Variants in NUP85 observed in about 807,000 individuals in gnomAD.
NUP85 encodes nuclear pore complex protein Nup85.
NUP85 carries 23 observed loss-of-function variants against 92.8 expected under a neutral mutation model. That is an observed-to-expected ratio of 0.25 (90% CI 0.18 to 0.35). NUP85 has a LOEUF of 0.35. Ranked by LOEUF, NUP85 falls within the 10% of genes least tolerant of loss-of-function variation. The pLI is 1.00. For missense variants in NUP85, 759 were observed against 822.8 expected (o/e 0.92, Z 0.95); for synonymous variants, 314 against 306.9 (o/e 1.02, Z -0.24).
intron 4 of NUP85, 131 bp from the exon 5 acceptor site, chr17:75,212,943 AAG>A (rs2075318841): frequency 1.1e-6 from 1 of 879,242 alleles, no homozygotes; most frequent in East Asian, 2.7e-5. Context: ...CCATAATTAA[AAG>A]AGATTATAAT....
intron 3 of NUP85, among the ~76,000 whole-genome samples, chr17:75,211,176 C>T (rs540538489): frequency 7.3e-5 from 11 of 150,876 alleles, no homozygotes; most frequent in Middle Eastern, 6.8e-3. Flanking sequence ...CTAATTTTTG[C>T]ATTTTTAGTA....
chr17:75,231,873 G>A lies in NUP85; in HGVS notation c.1290G>A (p.Leu430=), dbSNP rs559889699. 1 of 1,614,092 alleles carries A rather than the reference G, an allele frequency of 6.2e-7. No individual in the cohort carries two copies. Among genetic ancestry groups the A allele is most frequent in the African/African-American group, 1.3e-5 (1 of 74,932 alleles). The change falls in exon 14 of 19, where the codon CTG becomes CTA. Residue 430 remains leucine (L), a synonymous_variant. Transcript: ENST00000245544. The surrounding 1 kb of genome is among the most constrained non-coding windows in gnomAD (Gnocchi z 4.6). The part of the protein sequence containing the change: ...GVDYFDYCPE[L]GRVSLELHIE... ...ATTACTTTGATTACTGCCCCGAGCT[G>A]GGCCGAGTCTCCCTGGAGCTGCACA...
intron 1 of NUP85, among the ~76,000 whole-genome samples, chr17:75,206,763 T>C (rs925687002): frequency 1.3e-5 from 2 of 152,094 alleles, no homozygotes; most frequent in African/African-American, 4.8e-5. Flanking sequence ...AGTGGCGCGG[T>C]CTCGGCTCAC....
chr17:75,223,793 A>G (rs1043807942), intron 7 of NUP85, among the ~76,000 whole-genome samples: 2 of 152,146 alleles, frequency 1.3e-5, no homozygotes, highest in Admixed American at 6.6e-5. Flanking sequence ...TTTTTTTCCA[A>G]ACAAAACTTC....
At chr17:75,222,816 A>G (rs1283836253) in intron 7 of NUP85, among the ~76,000 whole-genome samples, 2 of 151,986 alleles carry the variant, frequency 1.3e-5, no homozygotes, top group South Asian at 2.1e-4. Flanking sequence ...CGGGCGGATC[A>G]TGAAGTCAGG....
chr17:75,228,821 G>C (rs1206834979), intron 11 of NUP85: 1 of 985,316 alleles, frequency 1.0e-6, no homozygotes, highest in Non-Finnish European at 1.2e-6. Context: ...CAGACCCTAA[G>C]GGGCAGAAAA....
intron 10 of NUP85, 51 bp from the exon 11 acceptor site, chr17:75,226,000 C>T (rs754150593): frequency 1.9e-6 from 3 of 1,607,666 alleles, no homozygotes; most frequent in African/African-American, 2.7e-5. Context: ...CTGCCTGCCC[C>T]GAGTCTCTGC....
chr17:75,212,428 C>G (rs529140872), intron 4 of NUP85, among the ~76,000 whole-genome samples: 1 of 150,132 alleles, frequency 6.7e-6, no homozygotes, highest in South Asian at 2.1e-4. Flanking sequence ...ACCACCAAGC[C>G]CAGAGTTCTG....
chr17:75,218,911 G>C (rs8071174), intron 7 of NUP85, among the ~76,000 whole-genome samples: 138,786 of 152,206 alleles, frequency 0.91, 64,337 homozygotes, highest in Non-Finnish European at 1. Context: ...CCATGCCTGG[G>C]TAATGATATA....
intron 17 of NUP85, 154 bp from the exon 18 acceptor site, chr17:75,234,946 A>T (rs2076272728): frequency 4.7e-6 from 5 of 1,070,934 alleles, no homozygotes; most frequent in Non-Finnish European, 5.8e-6. Flanking sequence ...CTCACACAGG[A>T]AACAAACACT....
intron 1 of NUP85, chr17:75,208,104 A>G (rs2075141338): frequency 6.4e-6 from 1 of 156,860 alleles, no homozygotes; most frequent in South Asian, 1.9e-4. Context: ...TGAAGGATAC[A>G]GTGTTATTAG....
At position 75,210,719 on chromosome 17, in the gene NUP85, C is replaced by T. The variant is rs541577313; in HGVS notation, c.290+734C>T. Among the ~76,000 whole-genome samples, 21 of 151,936 alleles carry T rather than the reference C, an allele frequency of 1.4e-4. 2 individuals are homozygous for T. In the South Asian group the frequency reaches 3.7e-3, roughly 27 times the overall value. ...TATTGGTTGTTTTTCTGTTTTTTTT[C>T]GAGGCAGAGTTTCGCTCTGTCACCC... On this transcript the variant is annotated intron_variant, in intron 3 of 18. Coordinates refer to ENST00000245544, the MANE Select transcript of NUP85 (RefSeq NM_024844.5).
At chr17:75,215,920 C>A in intron 6 of NUP85, 97 bp downstream of exon 6, 1 of 1,068,314 alleles carries the variant, frequency 9.4e-7, no homozygotes, top group Admixed American at 1.9e-5. Context: ...GTGTTTTATT[C>A]CTGAGAATGT....
At position 75,232,982 on chromosome 17, in the gene NUP85, G is replaced by T. The variant is rs1264298362; in HGVS notation, c.1514+14G>T. The T allele has an allele frequency of 6.2e-7, 1 of 1,613,678 alleles. No homozygotes were observed. ...CGTGTCAGACAGGTGGGTGCCGCTA[G>T]TGTTGGCTTCCCAGGGACTGGGTGG... On this transcript the variant is annotated intron_variant, in intron 15 of 18. Transcript: ENST00000245544.
Position 75,225,803 on chromosome 17 carries a change from C to T in NUP85, c.961C>T (p.Pro321Ser), listed in dbSNP as rs778171610. The T allele has an allele frequency of 6.2e-7, 1 of 1,614,106 alleles. No individual in the cohort carries two copies. Among genetic ancestry groups the T allele is most frequent in the South Asian group, 1.1e-5 (1 of 91,076 alleles). The change falls in exon 10 of 19, where the codon CCC (proline) becomes TCC (serine). Residue 321 changes from proline to serine, a missense_variant. Pro to Ser is a moderately conservative substitution (Grantham distance 74). Transcript: ENST00000245544. ...CTTGTACTCCAATCCCACAGTAAAACCCATTGATCTGCACTACTATGCCCA... is the reference window on the plus strand; with the variant it reads ...CTTGTACTCCAATCCCACAGTAAAATCCATTGATCTGCACTACTATGCCCA... The part of the protein sequence containing the change: ...RLLYSNPTVK[P>S]IDLHYYAQSS...
In NUP85 at chr17:75,228,610, C is replaced by T. The variant is rs2075916241; in HGVS notation, c.1094+2453C>T. 3 of 985,418 alleles carry T rather than the reference C, an allele frequency of 3.0e-6. No homozygotes were observed. The South Asian group carries it at 1.4e-4, about 46-fold the overall frequency. 61.0% of individuals were successfully genotyped at this position (985,418 alleles called of 1,614,324 possible). On this transcript the variant is annotated intron_variant, in intron 11 of 18. Transcript: ENST00000245544. ...TTTCTCATGGGATGTATCAGTCAGA[C>T]CCATGCACAGTTCTGGGCGGCAGGG...
Position 75,232,892 on chromosome 17 carries a change from A to G in NUP85, c.1438A>G (p.Asn480Asp), listed in dbSNP as rs368889675. 2 of 1,614,206 alleles carry G rather than the reference A, an allele frequency of 1.2e-6. No homozygotes were observed. The highest frequency in any genetic ancestry group is 1.1e-5 in the South Asian group (1 of 91,084). Residue 480 changes from asparagine to aspartate, a missense_variant, in exon 15 of 19, where the codon AAC (asparagine) becomes GAC (aspartate). Transcript: ENST00000245544. The stretch of plus-strand genomic sequence containing the variant: ...GATCTTAGCCATGAAAGCCGTCCGC[A>G]ACAATCGCCTGGGTTCTGCCCTCTC... Reference protein sequence around the residue: ...CKILAMKAVRNNRLGSALSWS... With the variant: ...CKILAMKAVRDNRLGSALSWS...
intron 16 of NUP85, among the ~76,000 whole-genome samples, chr17:75,233,976 C>T (rs1252208649): frequency 7.2e-5 from 11 of 151,862 alleles, no homozygotes; most frequent in African/African-American, 2.7e-4. Context: ...TCAAGTGATC[C>T]GCCCGCCTCG....
intron 11 of NUP85, chr17:75,228,372 G>A: frequency 4.1e-6 from 4 of 985,374 alleles, no homozygotes; most frequent in Non-Finnish European, 4.8e-6. Flanking sequence ...AAGCAGGAAG[G>A]GATCTGAGCT....
Sources: allele counts gnomAD v4.1 joint callset (sites outside exome capture counted in the v4.1 genomes callset), GRCh38; gene constraint gnomAD v4.1.1; non-coding constraint Gnocchi (gnomAD v3.1); transcripts MANE v1.5; gene names NCBI Gene and HGNC (gene_info 2026-07-23, HGNC 2026-07-21).